ZNF804A: variants seen among roughly 807,000 people sequenced by gnomAD.
ZNF804A encodes the protein zinc finger protein 804A.
Under a neutral mutation model 16.5 loss-of-function variants are expected in ZNF804A, and 2 were observed. The ratio of observed to expected loss-of-function variants is 0.12; its 90% CI spans 0.05 to 0.38. ZNF804A has a LOEUF of 0.38. ZNF804A is among the 10% of genes least tolerant of loss of function. The pLI is 0.99. For synonymous variants in ZNF804A, 534 were observed against 489.6 expected (o/e 1.09, Z -1.20); for missense variants, 1,473 against 1,390.7 (o/e 1.06, Z -0.94).
intron 2 of ZNF804A, among the ~76,000 whole-genome samples, chr2:184,912,465 C>A (rs915840409): frequency 6.6e-6 from 1 of 151,884 alleles, no homozygotes; most frequent in Non-Finnish European, 1.5e-5. Flanking sequence ...TGGGCATATA[C>A]CTAGAAATGG....
chr2:184,895,222 G>A (rs1408079972), intron 2 of ZNF804A, among the ~76,000 whole-genome samples: 1 of 151,852 alleles, frequency 6.6e-6, no homozygotes, highest in Non-Finnish European at 1.5e-5. Flanking sequence ...GTGGGTGGGT[G>A]GGGGTGTGTG....
At chr2:184,879,304 T>C (rs1684769272) in intron 2 of ZNF804A, among the ~76,000 whole-genome samples, 1 of 152,078 alleles carries the variant, frequency 6.6e-6, no homozygotes, top group Admixed American at 6.6e-5. Flanking sequence ...TTAACTCACT[T>C]AAATTATGTA....
At chr2:184,878,732 A>G (rs1684756465) in intron 2 of ZNF804A, among the ~76,000 whole-genome samples, 2 of 152,078 alleles carry the variant, frequency 1.3e-5, no homozygotes, top group African/African-American at 2.4e-5. Flanking sequence ...GCAAAAATGT[A>G]TTTTCACATT....
At chr2:184,837,991 G>C (rs1488255598) in intron 1 of ZNF804A, among the ~76,000 whole-genome samples, 1 of 152,004 alleles carries the variant, frequency 6.6e-6, no homozygotes, top group Non-Finnish European at 1.5e-5. Flanking sequence ...GTGGTCAGAG[G>C]AGCCCCAGCA....
intron 1 of ZNF804A, among the ~76,000 whole-genome samples, chr2:184,839,494 C>A (rs1695402661): frequency 6.6e-6 from 1 of 151,948 alleles, no homozygotes; most frequent in African/African-American, 2.4e-5. Flanking sequence ...AATTATATTT[C>A]TTTATCAATA....
chr2:184,739,507 C>T (rs755257772), intron 1 of ZNF804A, among the ~76,000 whole-genome samples: 2 of 152,124 alleles, frequency 1.3e-5, no homozygotes, highest in East Asian at 1.9e-4. Context: ...GATTGTTGTG[C>T]CTCAGCCTCC....
rs962453103 is a variant in ZNF804A, at chr2:184,934,243, T to G, written c.386+510T>G. Among the ~76,000 whole-genome samples the G allele has an allele frequency of 4.6e-5, 7 of 152,186 alleles. No homozygotes were observed. In the East Asian group the frequency reaches 1.4e-3, roughly 29 times the overall value. On this transcript the variant is annotated intron_variant, in intron 3 of 3. Transcript: ENST00000302277. The stretch of plus-strand genomic sequence containing the variant: ...TAAATTCTAACTGGGCTGTTAGAGG[T>G]TCACAACTTTTAAACTTTGATCTGC...
At chr2:184,737,914 G>A (rs1011612513) in intron 1 of ZNF804A, among the ~76,000 whole-genome samples, 2 of 151,914 alleles carry the variant, frequency 1.3e-5, no homozygotes, top group African/African-American at 2.4e-5. Flanking sequence ...ACCTGAGGTC[G>A]GGAGTTTGAG....
intron 1 of ZNF804A, among the ~76,000 whole-genome samples, chr2:184,716,133 A>G (rs942361400): frequency 4.6e-5 from 7 of 152,160 alleles, no homozygotes; most frequent in African/African-American, 1.7e-4. Context: ...ATTTTAGTAA[A>G]CAGAAATAGA....
At position 184,765,613 on chromosome 2, in the gene ZNF804A, C is replaced by CCG. The variant is rs1553535975; in HGVS notation, c.112-100755_112-100754insGC. On this transcript the variant is annotated intron_variant, in intron 1 of 3. Transcript: ENST00000302277. ...ACTACCCCCTCACATGCACCCCCCC[C>CCG]CCTTAGAGTCGTGAGCCCTTAAAAG... Among the ~76,000 whole-genome samples the CCG allele has an allele frequency of 7.6e-3, 1,120 of 146,992 alleles. 13 individuals are homozygous for CCG. Among genetic ancestry groups the CCG allele is most frequent in the African/African-American group, 0.027 (1,064 of 39,022 alleles).
Position 184,936,824 on chromosome 2 carries a change from T to G in ZNF804A, c.1428T>G (p.Asn476Lys), listed in dbSNP as rs2105844117. The change falls in exon 4 of 4, where the codon AAT (asparagine) becomes AAG (lysine). Residue 476 changes from asparagine (N) to lysine (K), a missense_variant. By Grantham distance (94) the Asn-to-Lys change is moderately conservative. Transcript: ENST00000302277. ...STKVNNNLDK[N>K]KPDLKDLCSQ... Reference sequence around the variant, plus strand: ...AAGTAAATAATAATCTAGATAAAAATAAGCCAGACTTAAAAGATCTTTGTT... The same window carrying G: ...AAGTAAATAATAATCTAGATAAAAAGAAGCCAGACTTAAAAGATCTTTGTT... 1 of 1,612,876 alleles carries G rather than the reference T, an allele frequency of 6.2e-7. No individual in the cohort carries two copies. The highest frequency in any genetic ancestry group is 1.3e-5 in the African/African-American group (1 of 74,908).
chr2:184,675,530 C>T (rs758309527), intron 1 of ZNF804A, among the ~76,000 whole-genome samples: 12 of 151,724 alleles, frequency 7.9e-5, no homozygotes, highest in African/African-American at 9.7e-5. Context: ...ACCTGAGATA[C>T]CTAGATTGTT....
intron 1 of ZNF804A, among the ~76,000 whole-genome samples, chr2:184,677,708 T>C (rs562644416): frequency 1.3e-5 from 2 of 152,138 alleles, no homozygotes; most frequent in South Asian, 4.1e-4. Context: ...AATATCAAAG[T>C]TATATTACTA....
intron 1 of ZNF804A, among the ~76,000 whole-genome samples, chr2:184,757,376 A>G (rs1693974602): frequency 6.6e-6 from 1 of 152,080 alleles, no homozygotes; most frequent in South Asian, 2.1e-4. Context: ...AAACATGTGC[A>G]GGTTACACTT....
chr2:184,757,951 A>G (rs1317737184), intron 1 of ZNF804A, among the ~76,000 whole-genome samples: 1 of 152,048 alleles, frequency 6.6e-6, no homozygotes, highest in African/African-American at 2.4e-5. Flanking sequence ...AAACCATTTG[A>G]AGATTTCCCT....
At chr2:184,867,069 A>T (rs1695888363) in intron 2 of ZNF804A, among the ~76,000 whole-genome samples, 1 of 151,862 alleles carries the variant, frequency 6.6e-6, no homozygotes, top group African/African-American at 2.4e-5. Context: ...TCATTTTAAT[A>T]TTTTCATTTT....
At chr2:184,800,213 C>T (rs996580430) in intron 1 of ZNF804A, among the ~76,000 whole-genome samples, 2 of 151,930 alleles carry the variant, frequency 1.3e-5, no homozygotes, top group Non-Finnish European at 2.9e-5. Flanking sequence ...AATTTTCTTA[C>T]TCTTCATAAA....
chr2:184,814,032 C>G (rs1032127435), intron 1 of ZNF804A, among the ~76,000 whole-genome samples: 12 of 60,070 alleles, frequency 2.0e-4, no homozygotes, highest in African/African-American at 7.0e-4. Flanking sequence ...GGCTTGTCTA[C>G]TACTCTGTTC....
intron 1 of ZNF804A, among the ~76,000 whole-genome samples, chr2:184,682,858 A>G (rs1692564791): frequency 1.3e-5 from 2 of 152,118 alleles, no homozygotes; most frequent in Non-Finnish European, 2.9e-5. Context: ...AAATACAAAA[A>G]TTAACCCAGC....
Sources: gnomAD v4.1 joint callset for allele counts (sites outside exome capture counted in the v4.1 genomes callset) on GRCh38, gnomAD v4.1.1 for gene constraint, MANE v1.5 for transcripts, NCBI Gene and HGNC (gene_info 2026-07-23, HGNC 2026-07-21) for gene names.